The following EFCAB13 variants were observed in gnomAD, a reference collection of about 807,000 sequenced individuals.
EFCAB13 encodes EF-hand calcium-binding domain-containing protein 13.
Under a neutral mutation model 110.2 loss-of-function variants are expected in EFCAB13, and 91 were observed. The ratio of observed to expected loss-of-function variants is 0.83; its 90% CI spans 0.70 to 0.98. The LOEUF is 0.98. EFCAB13 is among the 50% of genes least tolerant of loss of function. EFCAB13 has a pLI of 0.00. For missense variants in EFCAB13, 968 were observed against 1,119.4 expected, an observed-to-expected ratio of 0.86 and a Z score of 1.93; for synonymous variants, 323 against 369.9, an observed-to-expected ratio of 0.87 and a Z score of 1.45.
intron 15 of EFCAB13, among the ~76,000 whole-genome samples, chr17:47,393,407 A>G (rs763536217): frequency 1.3e-5 from 2 of 152,236 alleles, no homozygotes; most frequent in Non-Finnish European, 2.9e-5. Context: ...CTTAAGTACC[A>G]GGAAGCATAT....
At position 47,404,058 on chromosome 17, in the gene EFCAB13, T is replaced by G. The variant is rs77827356; in HGVS notation, c.2161+37T>G. ...AAATATTACTCTCAGGTTTTTTTTTTGTAGGAGTAAAGAAGATGTGCAAGG... is the reference window on the plus strand; with the variant it reads ...AAATATTACTCTCAGGTTTTTTTTTGGTAGGAGTAAAGAAGATGTGCAAGG... On this transcript the variant is annotated intron_variant, in intron 19 of 24. Coordinates refer to ENST00000331493, the MANE Select transcript of EFCAB13 (RefSeq NM_152347.5). The G allele has an allele frequency of 5.9e-5, 89 of 1,519,574 alleles. No homozygotes were observed. The highest frequency in any genetic ancestry group is 1.9e-4 in the Middle Eastern group (1 of 5,338). The allele number at this position is 1,519,574 out of a possible 1,614,324, so 94.1% of individuals were successfully genotyped here.
At chr17:47,397,410 T>G (rs546527113) in intron 17 of EFCAB13, among the ~76,000 whole-genome samples, 145 of 152,106 alleles carry the variant, frequency 9.5e-4, no homozygotes, top group African/African-American at 3.3e-3. Context: ...AGTGCCGAGA[T>G]TGCAGCCTCT....
intron 14 of EFCAB13, among the ~76,000 whole-genome samples, chr17:47,387,400 G>A (rs1305007981): frequency 6.6e-6 from 1 of 152,138 alleles, no homozygotes; most frequent in Non-Finnish European, 1.5e-5. Flanking sequence ...ACTGAGAATG[G>A]TGTGTTGAAG....
Position 47,409,833 on chromosome 17 carries a change from GT to G in EFCAB13, c.2278+144del. ...TTTTCCACAATAGTAATCTGATCAT[GT>G]TACCTCCCCCTATTTATAACTCTTC... On this transcript the variant is annotated intron_variant, in intron 21 of 24. Coordinates refer to ENST00000331493, the MANE Select transcript of EFCAB13 (RefSeq NM_152347.5). The G allele has an allele frequency of 2.1e-5, 13 of 629,106 alleles. No homozygotes were observed. The South Asian group carries it at 2.8e-4, about 13-fold the overall frequency. 39.0% of individuals were successfully genotyped at this position (629,106 alleles called of 1,614,324 possible).
In EFCAB13 at chr17:47,345,000, G is replaced by T. The variant is rs1266920071; in HGVS notation, c.435-16G>T. ...ATTTTCATTGCCACTTTCTAATATG[G>T]CTGTTTCTTTGACAGGGAAAAGGAA... On this transcript the variant is annotated splice_polypyrimidine_tract_variant and intron_variant, in intron 7 of 24. Transcript: ENST00000331493. The T allele has an allele frequency of 6.3e-7, 1 of 1,588,158 alleles. No individual in the cohort carries two copies. Among genetic ancestry groups the T allele is most frequent in the East Asian group, 2.3e-5 (1 of 44,264 alleles).
Position 47,345,001 on chromosome 17 carries a change from C to T in EFCAB13, c.435-15C>T, listed in dbSNP as rs2065407182. The stretch of plus-strand genomic sequence containing the variant: ...TTTTCATTGCCACTTTCTAATATGG[C>T]TGTTTCTTTGACAGGGAAAAGGAAA... On this transcript the variant is annotated splice_polypyrimidine_tract_variant and intron_variant, in intron 7 of 24. Coordinates refer to ENST00000331493, the MANE Select transcript of EFCAB13 (RefSeq NM_152347.5). 1 of 1,589,542 alleles carries T rather than the reference C, an allele frequency of 6.3e-7. No individual in the cohort carries two copies. The highest frequency in any genetic ancestry group is 8.6e-7 in the Non-Finnish European group (1 of 1,164,588).
intron 23 of EFCAB13, chr17:47,423,438 C>A: frequency 5.2e-6 from 1 of 193,662 alleles, no homozygotes; most frequent in Non-Finnish European, 1.0e-5. Context: ...GCTGCGCCCG[C>A]GGCCCGGGGC....
chr17:47,368,025 T>C (rs1024764634), intron 10 of EFCAB13, among the ~76,000 whole-genome samples: 3 of 152,172 alleles, frequency 2.0e-5, no homozygotes, highest in African/African-American at 7.2e-5. Context: ...ATCCTGAAGC[T>C]ACAACAGTTA....
intron 24 of EFCAB13, among the ~76,000 whole-genome samples, chr17:47,432,399 A>AAAATAAAT (rs60375757): frequency 0.26 from 36,154 of 138,242 alleles, 5,191 homozygotes; most frequent in African/African-American, 0.36. Context: ...ATCCATCTCA[A>AAAATAAAT]AAATAAATAA....
chr17:47,330,436 G>T (rs1256356528), intron 4 of EFCAB13, among the ~76,000 whole-genome samples: 1 of 151,896 alleles, frequency 6.6e-6, no homozygotes, highest in Admixed American at 6.6e-5. Flanking sequence ...GTACCCAACA[G>T]GTAGTTTTTC....
Position 47,409,685 on chromosome 17 carries a change from G to A in EFCAB13, c.2272G>A (p.Val758Ile), listed in dbSNP as rs767847183. The change falls in exon 21 of 25, where the codon GTA (valine) becomes ATA (isoleucine). Residue 758 changes from valine (V) to isoleucine (I), a missense_variant. Val to Ile is a conservative substitution (Grantham distance 29). Transcript: ENST00000331493. The stretch of plus-strand genomic sequence containing the variant: ...GGCTTCAAATCTAAAATTACCAAAG[G>A]TAAACGGTGAGTAAGAACTTTGTAT... Reference protein sequence around the residue: ...KEASNLKLPKVNEIKEAANIL... With the variant: ...KEASNLKLPKINEIKEAANIL... The A allele has an allele frequency of 4.3e-6, 7 of 1,609,510 alleles. No homozygotes were observed. Among genetic ancestry groups the A allele is most frequent in the Non-Finnish European group, 6.0e-6 (7 of 1,176,158 alleles).
intron 5 of EFCAB13, among the ~76,000 whole-genome samples, chr17:47,337,246 C>T (rs1303909469): frequency 6.6e-6 from 1 of 152,234 alleles, no homozygotes; most frequent in Non-Finnish European, 1.5e-5. Context: ...TAGGTTAGCA[C>T]TGTGGGAAGC....
chr17:47,379,047 G>A, intron 13 of EFCAB13, 135 bp from the exon 14 acceptor site: 1 of 633,744 alleles, frequency 1.6e-6, no homozygotes, highest in Non-Finnish European at 2.8e-6. Flanking sequence ...AGAATTATGA[G>A]ACATGATATG....
chr17:47,401,145 A>G (rs1369950984), intron 17 of EFCAB13, among the ~76,000 whole-genome samples: 7 of 152,248 alleles, frequency 4.6e-5, no homozygotes, highest in Admixed American at 2.0e-4. Flanking sequence ...TCTAGAGAAT[A>G]GTTCCTAAAA....
rs142664574 is a variant in EFCAB13 at position 47,394,028 on chromosome 17, C to G, written c.1730C>G (p.Thr577Arg). 7,704 of 1,532,616 alleles carry G rather than the reference C, an allele frequency of 5.0e-3. 35 individuals carry two copies. The highest frequency in any genetic ancestry group is 5.2e-3 in the Non-Finnish European group (5,961 of 1,143,946). The allele number at this position is 1,532,616 out of a possible 1,614,324, so 94.9% of individuals were successfully genotyped here. A position where few individuals can be genotyped will look rare whatever the true frequency, so the allele number is the denominator to read the frequency against. ...AATGTGTTTCTTTTTCCTGTAGAAA[C>G]AAAAAAAGTGAATTTTAAAGAATTC... is the stretch of plus-strand genomic sequence containing the variant. ...KITELTEAGETKKVNFKEFID... is the reference protein window; with the variant it reads ...KITELTEAGERKKVNFKEFID... Residue 577 changes from threonine (T) to arginine (R), a missense_variant, in exon 16 of 25, where the codon ACA becomes AGA. Transcript: ENST00000331493.
At chr17:47,429,704 C>A in intron 23 of EFCAB13, 114 bp from the exon 24 acceptor site, 1 of 1,311,004 alleles carries the variant, frequency 7.6e-7, no homozygotes, top group Non-Finnish European at 1.0e-6. Flanking sequence ...GTTCCATGTA[C>A]AATTCTAGAA....
chr17:47,368,765 G>A (rs1199278098), intron 10 of EFCAB13, among the ~76,000 whole-genome samples: 1 of 152,244 alleles, frequency 6.6e-6, no homozygotes, highest in East Asian at 1.9e-4. Flanking sequence ...AAATCTTCTA[G>A]TTCACAAAGA....
chr17:47,341,452 G>A (rs2065384309), intron 5 of EFCAB13: 1 of 151,786 alleles, frequency 6.6e-6, no homozygotes, highest in Non-Finnish European at 1.5e-5. Flanking sequence ...TCACTTCCCA[G>A]GTTCAAGCGA....
At chr17:47,397,032 C>T (rs1006784354) in intron 17 of EFCAB13, among the ~76,000 whole-genome samples, 3 of 147,992 alleles carry the variant, frequency 2.0e-5, no homozygotes, top group Non-Finnish European at 3.0e-5. Context: ...CCCCCTCCCC[C>T]TCCCCCTCCC....
Sources: allele counts gnomAD v4.1 joint callset (sites outside exome capture counted in the v4.1 genomes callset), GRCh38; gene constraint gnomAD v4.1.1; transcripts MANE v1.5; gene names NCBI Gene and HGNC (gene_info 2026-07-23, HGNC 2026-07-21).